KIF11: variants seen among roughly 807,000 people sequenced by gnomAD.
The protein encoded by KIF11 is kinesin family member 11, also known as kinesin-like protein KIF11.
Under a neutral mutation model 121.0 loss-of-function variants are expected in KIF11, and 9 were observed. The observed-to-expected ratio is 0.07, with a 90% CI of 0.04 to 0.13. The LOEUF (loss-of-function observed/expected upper bound fraction) is 0.13. Ranked by LOEUF, KIF11 falls within the 10% of genes least tolerant of loss-of-function variation. The pLI is 1.00. For missense variants in KIF11, 846 were observed against 1,217.5 expected, an observed-to-expected ratio of 0.69 and a Z score of 4.54; for synonymous variants, 408 against 421.0, an observed-to-expected ratio of 0.97 and a Z score of 0.38.
intron 1 of KIF11, among the ~76,000 whole-genome samples, chr10:92,602,345 C>A (rs1308168487): frequency 2.6e-5 from 4 of 152,230 alleles, no homozygotes; most frequent in African/African-American, 9.6e-5. Context: ...GGTATTAGAT[C>A]TTCTTGAAAT....
At chr10:92,606,528 T>A in intron 2 of KIF11, 91 bp from the exon 3 acceptor site, 2 of 1,111,020 alleles carry the variant, frequency 1.8e-6, no homozygotes, top group Non-Finnish European at 2.6e-6. Flanking sequence ...TCTAGTGGGC[T>A]GAATTATGAA....
chr10:92,643,555 ATTTTTTT>A (rs368633432), intron 17 of KIF11, among the ~76,000 whole-genome samples: 5 of 123,460 alleles, frequency 4.0e-5, no homozygotes, highest in Admixed American at 1.7e-4. Context: ...TATCTACTAG[ATTTTTTT>A]TTTTTTTTTT....
At chr10:92,652,267 A>G (rs187235529) in intron 21 of KIF11, among the ~76,000 whole-genome samples, 1 of 151,858 alleles carries the variant, frequency 6.6e-6, no homozygotes, top group Admixed American at 6.6e-5. Flanking sequence ...CATCCTCCCG[A>G]GTAGCTGGGA....
At chr10:92,627,293 C>A (rs537919223) in intron 10 of KIF11, among the ~76,000 whole-genome samples, 1 of 152,164 alleles carries the variant, frequency 6.6e-6, no homozygotes, top group Non-Finnish European at 1.5e-5. Flanking sequence ...GCATTCATTT[C>A]TGAAACTGAC....
At chr10:92,636,562 G>T (rs1425579311) in intron 14 of KIF11, among the ~76,000 whole-genome samples, 4 of 151,854 alleles carry the variant, frequency 2.6e-5, no homozygotes, top group Non-Finnish European at 5.9e-5. Context: ...GTTGCAGTGA[G>T]CCAAGATCAC....
rs551655204 is a variant in KIF11 at position 92,614,225 on chromosome 10, T to C, written c.1032+606T>C. Among the ~76,000 whole-genome samples, 4 of 151,918 alleles carry C rather than the reference T, an allele frequency of 2.6e-5. No individual in the cohort carries two copies. The East Asian group carries it at 7.8e-4, about 30-fold the overall frequency. On this transcript the variant is annotated intron_variant, in intron 8 of 21. Coordinates refer to ENST00000260731, the MANE Select transcript of KIF11 (RefSeq NM_004523.4). ...GATTCTCCTGCCTCAGCCTCCCAAG[T>C]AGCTGGGATTACAGGCACCTGCCAC...
chr10:92,632,997 A>G (rs1844756134), intron 13 of KIF11, among the ~76,000 whole-genome samples: 1 of 151,868 alleles, frequency 6.6e-6, no homozygotes, highest in Non-Finnish European at 1.5e-5. Flanking sequence ...GTCATTGACC[A>G]TAGGTGTTAT....
intron 1 of KIF11, chr10:92,597,422 C>G (rs7082683): frequency 0.077 from 11,782 of 153,200 alleles, 1,070 homozygotes; most frequent in African/African-American, 0.21. Flanking sequence ...CACCACCATG[C>G]CTGGCTAATT....
At chr10:92,628,950 A>C in intron 11 of KIF11, 55 bp downstream of exon 11, 1 of 962,148 alleles carries the variant, frequency 1.0e-6, no homozygotes, top group Non-Finnish European at 1.6e-6. Context: ...TTGAAAGAAA[A>C]TTTTAGAATG....
intron 10 of KIF11, among the ~76,000 whole-genome samples, chr10:92,628,047 G>A (rs139806185): frequency 1.5e-4 from 23 of 152,310 alleles, no homozygotes; most frequent in South Asian, 4.1e-4. Context: ...AATGGAAGTG[G>A]TGTTGGGGGA....
chr10:92,603,832 T>G (rs1160250840), intron 1 of KIF11, among the ~76,000 whole-genome samples: 1 of 152,220 alleles, frequency 6.6e-6, no homozygotes, highest in Non-Finnish European at 1.5e-5. Context: ...ATATATTTAT[T>G]CATTTTATAG....
chr10:92,638,643 C>T (rs542077342), intron 16 of KIF11, among the ~76,000 whole-genome samples: 2 of 152,268 alleles, frequency 1.3e-5, no homozygotes, highest in African/African-American at 4.8e-5. Flanking sequence ...GAAGCAAGTT[C>T]AGTATGTGAG....
chr10:92,606,294 G>T lies in KIF11; in HGVS notation c.107G>T (p.Ser36Ile). 6.2e-7 allele frequency: 1 copy of T among 1,604,430 alleles called. No homozygotes were observed. The highest frequency in any genetic ancestry group is 8.5e-7 in the Non-Finnish European group (1 of 1,177,968). Residue 36 changes from serine (S) to isoleucine (I), a missense_variant, in exon 2 of 22, where the codon AGC (serine) becomes ATC (isoleucine). Physicochemically the swap from Ser to Ile is moderately radical, Grantham distance 142 (BLOSUM62 -2). Transcript: ENST00000260731. ...RPFNLAERKA[S>I]AHSIVECDPV... ...TTTAATTTGGCAGAGCGGAAAGCTA[G>T]CGCCCATTCAATAGTAGAATGTGAT...
intron 17 of KIF11, among the ~76,000 whole-genome samples, chr10:92,644,821 T>G (rs1844902329): frequency 1.3e-5 from 2 of 152,246 alleles, no homozygotes; most frequent in African/African-American, 2.4e-5. Context: ...TTTAAATGTA[T>G]GTCTAACCAA....
intron 17 of KIF11, among the ~76,000 whole-genome samples, chr10:92,642,136 C>G (rs7079583): frequency 0.28 from 42,565 of 151,722 alleles, 8,287 homozygotes; most frequent in African/African-American, 0.55. Context: ...CTTGTTGTTG[C>G]CATCTATTGA....
rs576698296 is a variant in KIF11, at chr10:92,613,777, A to C, written c.1032+158A>C. Among the ~76,000 whole-genome samples the C allele has an allele frequency of 5.3e-5, 8 of 152,208 alleles. No homozygotes were observed. The South Asian group carries it at 1.7e-3, about 32-fold the overall frequency. On this transcript the variant is annotated intron_variant, in intron 8 of 21. Transcript: ENST00000260731. This position sits in a 1 kb window ranked among gnomAD's most constrained non-coding sequence, Gnocchi z 4.2. ...GGTGGGCGGATCACTTGAGCTTAGG[A>C]GTGCCTGGGCAACATGCCGAAACCC...
At chr10:92,617,838 C>A (rs1368512852) in intron 9 of KIF11, among the ~76,000 whole-genome samples, 1 of 151,888 alleles carries the variant, frequency 6.6e-6, no homozygotes, top group East Asian at 1.9e-4. Context: ...CTCCCAGGTT[C>A]AAGTGATTCT....
rs373135960 is a variant in KIF11, at chr10:92,606,310, A to G, written c.123A>G (p.Val41=). The G allele has an allele frequency of 4.3e-6, 7 of 1,609,482 alleles. No individual in the cohort carries two copies. The Middle Eastern group carries it at 5.0e-4, about 114-fold the overall frequency. ...GGAAAGCTAGCGCCCATTCAATAGT[A>G]GAATGTGATCCTGTACGAAAAGAAG... The part of the protein sequence containing the change: ...AERKASAHSI[V]ECDPVRKEVS... Residue 41 remains valine, a synonymous_variant, in exon 2 of 22, where the codon GTA becomes GTG. Transcript: ENST00000260731.
At chr10:92,619,835 G>GTA (rs1423273654) in intron 9 of KIF11, among the ~76,000 whole-genome samples, 5 of 147,614 alleles carry the variant, frequency 3.4e-5, no homozygotes, top group Admixed American at 2.0e-4. Context: ...ACATATACAT[G>GTA]TATATATATA....
Sources: allele counts gnomAD v4.1 joint callset (sites outside exome capture counted in the v4.1 genomes callset), GRCh38; gene constraint gnomAD v4.1.1; non-coding constraint Gnocchi (gnomAD v3.1); transcripts MANE v1.5; gene names NCBI Gene and HGNC (gene_info 2026-07-23, HGNC 2026-07-21).